Variants in CRISPLD2 observed in about 807,000 individuals in gnomAD.
CRISPLD2 encodes the protein cysteine-rich secretory protein LCCL domain-containing 2.
Under a neutral mutation model 71.1 loss-of-function variants are expected in CRISPLD2, and 47 were observed. The ratio of observed to expected loss-of-function variants is 0.66; its 90% confidence interval spans 0.52 to 0.84. The LOEUF is 0.84. Ranked by LOEUF, CRISPLD2 falls within the 40% of genes least tolerant of loss-of-function variation. The pLI is 0.00. For missense variants in CRISPLD2, 830 were observed against 651.1 expected, an observed-to-expected ratio of 1.27 and a Z score of -2.99; for synonymous variants, 317 against 250.1, an observed-to-expected ratio of 1.27 and a Z score of -2.52.
intron 3 of CRISPLD2, 99 bp from the exon 4 acceptor site, chr16:84,849,286 C>A: frequency 2.4e-6 from 3 of 1,239,952 alleles, no homozygotes; most frequent in Non-Finnish European, 3.4e-6. Context: ...TATTCACCCT[C>A]CTCGGCCTCC....
intron 12 of CRISPLD2, among the ~76,000 whole-genome samples, chr16:84,879,164 C>G (rs529041331): frequency 6.6e-6 from 1 of 152,162 alleles, no homozygotes; most frequent in South Asian, 2.1e-4. Context: ...CGTCTTGATC[C>G]CCCTTGAATG....
At chr16:84,838,322 A>G in intron 1 of CRISPLD2, 100 bp from the exon 2 acceptor site, 1 of 746,454 alleles carries the variant, frequency 1.3e-6, no homozygotes, top group Non-Finnish European at 2.2e-6. Context: ...CGCATCTGTA[A>G]AATGGAGAGA....
intron 2 of CRISPLD2, among the ~76,000 whole-genome samples, chr16:84,844,714 G>C (rs1053301217): frequency 6.6e-6 from 1 of 152,050 alleles, no homozygotes; most frequent in South Asian, 2.1e-4. Context: ...CATTCATCTC[G>C]GGGCCCTTCT....
chr16:84,838,996 CTGCT>C (rs1916702787), intron 2 of CRISPLD2: 2 of 593,444 alleles, frequency 3.4e-6, no homozygotes, highest in East Asian at 6.7e-5. Context: ...TTAAGCGATC[CTGCT>C]TCAGCCTCCC....
intron 6 of CRISPLD2, chr16:84,862,920 C>G (rs1917427161): frequency 6.6e-6 from 1 of 152,300 alleles, no homozygotes; most frequent in Non-Finnish European, 1.5e-5. Context: ...AGGGGACATC[C>G]TAAGTGGGGA....
At chr16:84,857,609 C>T (rs1469105142) in intron 6 of CRISPLD2, among the ~76,000 whole-genome samples, 1 of 152,242 alleles carries the variant, frequency 6.6e-6, no homozygotes, top group Non-Finnish European at 1.5e-5. Context: ...TTTCCCTTCA[C>T]TGCCATCCCT....
chr16:84,903,765 A>C (rs2071776529), intron 14 of CRISPLD2, among the ~76,000 whole-genome samples: 1 of 152,218 alleles, frequency 6.6e-6, no homozygotes, highest in African/African-American at 2.4e-5. Flanking sequence ...GCAGTGTTCA[A>C]AAACAGCTGT....
At chr16:84,892,614 G>A (rs1364490984) in intron 14 of CRISPLD2, among the ~76,000 whole-genome samples, 1 of 152,040 alleles carries the variant, frequency 6.6e-6, no homozygotes, top group Non-Finnish European at 1.5e-5. Context: ...TTGGAGATGT[G>A]CATAAGTGTG....
At chr16:84,837,277 G>T (rs1464865122) in intron 1 of CRISPLD2, among the ~76,000 whole-genome samples, 1 of 152,154 alleles carries the variant, frequency 6.6e-6, no homozygotes, top group South Asian at 2.1e-4. Context: ...GAGGTAGTTG[G>T]CCCCCAGGGA....
intron 8 of CRISPLD2, among the ~76,000 whole-genome samples, chr16:84,870,609 G>A (rs559250367): frequency 1.1e-3 from 168 of 152,162 alleles, no homozygotes; most frequent in African/African-American, 3.8e-3. Context: ...GAGCCACTGC[G>A]CCTAGGCTGC....
intron 10 of CRISPLD2, 112 bp from the exon 11 acceptor site, chr16:84,873,808 T>C (rs2071495459): frequency 4.1e-6 from 4 of 970,416 alleles, no homozygotes; most frequent in Middle Eastern, 2.5e-4. Context: ...AGTAGAAAAG[T>C]GTGAAGTCGA....
chr16:84,846,444 G>C (rs1358228575), intron 3 of CRISPLD2, among the ~76,000 whole-genome samples: 3 of 152,072 alleles, frequency 2.0e-5, no homozygotes. Flanking sequence ...GGTAGAGACA[G>C]GGTTTCACCA....
chr16:84,840,661 C>T (rs1916745902), intron 2 of CRISPLD2, among the ~76,000 whole-genome samples: 1 of 152,078 alleles, frequency 6.6e-6, no homozygotes, highest in Non-Finnish European at 1.5e-5. Flanking sequence ...CTTGCACCAC[C>T]ACGCCAGGCT....
intron 6 of CRISPLD2, among the ~76,000 whole-genome samples, chr16:84,864,319 C>T (rs565514331): frequency 1.3e-5 from 2 of 152,234 alleles, no homozygotes; most frequent in Non-Finnish European, 2.9e-5. Flanking sequence ...CCAGGACTGT[C>T]TGTCTGCCCA....
chr16:84,894,801 C>G (rs549429446), intron 14 of CRISPLD2, among the ~76,000 whole-genome samples: 1 of 152,134 alleles, frequency 6.6e-6, no homozygotes, highest in South Asian at 2.1e-4. Flanking sequence ...AGGCACATCT[C>G]CATTTGGACG....
chr16:84,861,175 A>AT (rs1917369149), intron 6 of CRISPLD2, among the ~76,000 whole-genome samples: 1 of 152,144 alleles, frequency 6.6e-6, no homozygotes, highest in African/African-American at 2.4e-5. Flanking sequence ...AGTCCTTAGC[A>AT]TTTTGGGATC....
At chr16:84,860,214 C>G (rs1917343904) in intron 6 of CRISPLD2, among the ~76,000 whole-genome samples, 2 of 152,138 alleles carry the variant, frequency 1.3e-5, no homozygotes, top group African/African-American at 4.8e-5. Context: ...TTTTTAACTC[C>G]CTGAGCTGCA....
chr16:84,890,085 G>C (rs530943136), intron 14 of CRISPLD2, among the ~76,000 whole-genome samples: 1 of 152,174 alleles, frequency 6.6e-6, no homozygotes, highest in East Asian at 1.9e-4. Flanking sequence ...GTGGCTGGGC[G>C]TGGTGGCTCA....
intron 6 of CRISPLD2, among the ~76,000 whole-genome samples, chr16:84,863,609 C>G (rs1917449511): frequency 6.6e-6 from 1 of 152,250 alleles, no homozygotes; most frequent in Non-Finnish European, 1.5e-5. Context: ...CTCTCTGAGC[C>G]TTCTTCCTCA....
Sources: allele counts gnomAD v4.1 joint callset (sites outside exome capture counted in the v4.1 genomes callset), GRCh38; gene constraint gnomAD v4.1.1; transcripts MANE v1.5; gene names NCBI Gene and HGNC (gene_info 2026-07-23, HGNC 2026-07-21).